The following NEGR1 variants were observed in gnomAD, a reference collection of about 807,000 sequenced individuals.
The protein encoded by NEGR1 is neuronal growth regulator 1.
A neutral mutation model predicts 40.9 loss-of-function variants in NEGR1; 10 were observed. The observed-to-expected ratio is 0.24, with a 90% confidence interval of 0.15 to 0.42. The LOEUF (loss-of-function observed/expected upper bound fraction) is 0.42, where lower values mean the gene tolerates loss of function less well. Among genes scored for constraint, NEGR1 ranks in the 10% least tolerant of loss-of-function variants. NEGR1 has a pLI of 1.00. For synonymous variants in NEGR1, 185 were observed against 166.8 expected (o/e 1.11, Z -0.84); for missense variants, 352 against 438.9 (o/e 0.80, Z 1.77).
chr1:72,129,796 T>G (rs916842966), intron 1 of NEGR1, among the ~76,000 whole-genome samples: 1 of 152,204 alleles, frequency 6.6e-6, no homozygotes, highest in Non-Finnish European at 1.5e-5. Context: ...CATCCCTCAC[T>G]GCTTTTGTTC....
At chr1:71,695,465 G>C (rs990525495) in intron 4 of NEGR1, among the ~76,000 whole-genome samples, 1 of 151,500 alleles carries the variant, frequency 6.6e-6, no homozygotes, top group African/African-American at 2.4e-5. Context: ...TGTTAAAAAA[G>C]GTAGCCTCTG....
chr1:71,535,347 A>T (rs1292849137), intron 6 of NEGR1, among the ~76,000 whole-genome samples: 2 of 151,734 alleles, frequency 1.3e-5, no homozygotes, highest in Admixed American at 1.3e-4. Flanking sequence ...TCATCTCAAT[A>T]AAAGGATAGT....
intron 6 of NEGR1, among the ~76,000 whole-genome samples, chr1:71,540,668 G>A (rs563838376): frequency 4.6e-5 from 7 of 151,716 alleles, no homozygotes; most frequent in South Asian, 4.1e-4. Context: ...AATTCAAATC[G>A]GCACTCTAAC....
At position 71,483,243 on chromosome 1, in the gene NEGR1, T is replaced by A. The variant is rs183763750; in HGVS notation, c.941-75673A>T. ...AAGAGTGGCAAACAGAAAAAAAAAA[T>A]AGAAAATGAAGGCAGAAATATGACG... On this transcript the variant is annotated intron_variant, in intron 6 of 6. Transcript: ENST00000357731. Among the ~76,000 whole-genome samples the A allele has an allele frequency of 3.3e-5, 5 of 150,106 alleles. No homozygotes were observed. In the East Asian group the frequency reaches 5.9e-4, roughly 18 times the overall value.
intron 1 of NEGR1, among the ~76,000 whole-genome samples, chr1:72,129,843 C>T (rs371861149): frequency 2.0e-5 from 3 of 152,154 alleles, no homozygotes; most frequent in East Asian, 3.9e-4. Flanking sequence ...ATTGTCACAT[C>T]TGCCTTCAAA....
At chr1:71,820,657 A>G (rs748435085) in intron 2 of NEGR1, among the ~76,000 whole-genome samples, 3 of 151,940 alleles carry the variant, frequency 2.0e-5, no homozygotes, top group Non-Finnish European at 4.4e-5. Flanking sequence ...TCAAATGTAC[A>G]ATCAAGAATG....
At chr1:72,199,572 A>C (rs1424407497) in intron 1 of NEGR1, among the ~76,000 whole-genome samples, 1 of 152,012 alleles carries the variant, frequency 6.6e-6, no homozygotes, top group Non-Finnish European at 1.5e-5. Context: ...ACATTAAATA[A>C]GTCAATCTCT....
At chr1:71,681,408 A>G (rs1021938180) in intron 4 of NEGR1, among the ~76,000 whole-genome samples, 1 of 152,204 alleles carries the variant, frequency 6.6e-6, no homozygotes, top group African/African-American at 2.4e-5. Context: ...CTAAGACACT[A>G]AGAGTATTAC....
chr1:71,790,522 A>G (rs1166150370), intron 2 of NEGR1, among the ~76,000 whole-genome samples: 1 of 152,038 alleles, frequency 6.6e-6, no homozygotes, highest in Non-Finnish European at 1.5e-5. Flanking sequence ...TGTTTACATA[A>G]ATATAAAAAA....
chr1:71,924,787 T>G (rs549909107), intron 2 of NEGR1, among the ~76,000 whole-genome samples: 2 of 152,252 alleles, frequency 1.3e-5, no homozygotes, highest in East Asian at 3.9e-4. Flanking sequence ...CAACACGCAT[T>G]CACTATTCTA....
At chr1:71,668,326 G>C (rs910150018) in intron 4 of NEGR1, among the ~76,000 whole-genome samples, 1 of 152,164 alleles carries the variant, frequency 6.6e-6, no homozygotes, top group African/African-American at 2.4e-5. Flanking sequence ...ATTAAAGCCT[G>C]TGCCGTTCCC....
At chr1:72,127,279 A>G (rs1238440324) in intron 1 of NEGR1, among the ~76,000 whole-genome samples, 1 of 151,910 alleles carries the variant, frequency 6.6e-6, no homozygotes, top group East Asian at 1.9e-4. Flanking sequence ...CCTGGCTAAC[A>G]CGGTGAAACC....
At position 71,607,459 on chromosome 1, in the gene NEGR1, A is replaced by T. The variant is rs114564024; in HGVS notation, c.788+3567T>A. Among the ~76,000 whole-genome samples, 1,186 of 152,278 alleles carry T rather than the reference A, an allele frequency of 7.8e-3. 28 individuals carry two copies. The highest frequency in any genetic ancestry group is 0.027 in the African/African-American group (1,139 of 41,570). ...GGTTAAACCCATGGACTCTGCATGA[A>T]GATTTATAAGACTTCCTGGGTTTAA... On this transcript the variant is annotated intron_variant, in intron 5 of 6. Transcript: ENST00000357731.
intron 6 of NEGR1, among the ~76,000 whole-genome samples, chr1:71,562,578 T>C (rs551856613): frequency 6.6e-6 from 1 of 152,064 alleles, no homozygotes; most frequent in South Asian, 2.1e-4. Flanking sequence ...ACAGATTTCC[T>C]AAGGCACAAG....
intron 2 of NEGR1, among the ~76,000 whole-genome samples, chr1:71,856,778 C>T (rs990346160): frequency 2.0e-5 from 3 of 152,052 alleles, no homozygotes; most frequent in Non-Finnish European, 4.4e-5. Flanking sequence ...CTCTATGAAA[C>T]ATTCAGGATC....
At chr1:72,219,702 C>T (rs1018274570) in intron 1 of NEGR1, among the ~76,000 whole-genome samples, 1 of 152,010 alleles carries the variant, frequency 6.6e-6, no homozygotes, top group Non-Finnish European at 1.5e-5. Context: ...AAGGATCTTA[C>T]ATATAGCCAC....
chr1:71,791,856 G>T lies in NEGR1; in HGVS notation c.410-15559C>A, dbSNP rs971681506. 2.0e-5 allele frequency among the ~76,000 whole-genome samples: 3 copies of T among 152,194 alleles called. No homozygotes were observed. The East Asian group carries it at 5.8e-4, about 29-fold the overall frequency. On this transcript the variant is annotated intron_variant, in intron 2 of 6. Transcript: ENST00000357731. Reference sequence around the variant, plus strand: ...AGAATCAGAAAAGATTTGATGAGAAGAAATTTGAGCTTGGCTTTGAATAAT... The same window carrying T: ...AGAATCAGAAAAGATTTGATGAGAATAAATTTGAGCTTGGCTTTGAATAAT...
intron 1 of NEGR1, among the ~76,000 whole-genome samples, chr1:72,233,223 T>C (rs375244640): frequency 2.0e-5 from 3 of 152,076 alleles, no homozygotes; most frequent in East Asian, 3.9e-4. Flanking sequence ...GCTAAGACAG[T>C]CTTGAGTAGG....
At position 71,399,784 on chromosome 1, in the gene NEGR1, T is replaced by G. The variant is rs115295603; in HGVS notation, c.*7662A>C. ...ACTTGTCAAGTACTTGGTAGGGAGA[T>G]GTCAAGTTTCAGGGCAACCACAATC... On this transcript the variant is annotated 3_prime_UTR_variant, in exon 7 of 7. Coordinates refer to ENST00000357731, the MANE Select transcript of NEGR1 (RefSeq NM_173808.3). The G allele has an allele frequency of 2.0e-3, 299 of 152,322 alleles. 1 individual carries two copies. The highest frequency in any genetic ancestry group is 6.9e-3 in the African/African-American group (287 of 41,574). 9.4% of individuals were successfully genotyped at this position (152,322 alleles called of 1,614,324 possible). A position where few individuals can be genotyped will look rare whatever the true frequency, so the allele number is the denominator to read the frequency against.
Sources: gnomAD v4.1 joint callset for allele counts (sites outside exome capture counted in the v4.1 genomes callset) on GRCh38, gnomAD v4.1.1 for gene constraint, MANE v1.5 for transcripts, NCBI Gene and HGNC (gene_info 2026-07-23, HGNC 2026-07-21) for gene names.